The following PPM1B variants were observed in gnomAD, a reference collection of about 807,000 sequenced individuals.
PPM1B encodes the protein protein phosphatase 1B.
A neutral mutation model predicts 43.0 loss-of-function variants in PPM1B; 22 were observed. The ratio of observed to expected loss-of-function variants is 0.51; its 90% CI spans 0.37 to 0.73. The LOEUF (loss-of-function observed/expected upper bound fraction) is 0.73. PPM1B is among the 30% of genes least tolerant of loss of function. PPM1B has a pLI of 0.00. For missense variants in PPM1B, 632 were observed against 584.2 expected (o/e 1.08, Z -0.84); for synonymous variants, 217 against 197.9 (o/e 1.10, Z -0.81).
intron 5 of PPM1B, among the ~76,000 whole-genome samples, chr2:44,242,698 T>C (rs1191390869): frequency 6.6e-6 from 1 of 152,194 alleles, no homozygotes; most frequent in Non-Finnish European, 1.5e-5. Flanking sequence ...TGATTACTAG[T>C]GAGTGAAAAT....
In PPM1B at chr2:44,230,764, C is replaced by G. The variant is rs1283010869; in HGVS notation, c.*46C>G. On this transcript the variant is annotated 3_prime_UTR_variant, in exon 6 of 6. Coordinates refer to ENST00000282412, the MANE Select transcript of PPM1B (RefSeq NM_002706.6). ...TTTGTGATCTTTGATGGTTTTTAAC[C>G]TAGGAAGTGTAATGTATGCATTTAT... is the stretch of plus-strand genomic sequence containing the variant. 1.3e-6 allele frequency: 2 copies of G among 1,576,048 alleles called. No homozygotes were observed. The highest frequency in any genetic ancestry group is 1.8e-5 in the Admixed American group (1 of 55,972).
intron 5 of PPM1B, among the ~76,000 whole-genome samples, chr2:44,226,728 T>A (rs1670226497): frequency 7.6e-6 from 1 of 130,754 alleles, no homozygotes; most frequent in Non-Finnish European, 1.6e-5. Context: ...AAATGGTAGG[T>A]TTTTATCTTT....
At chr2:44,188,762 C>G (rs1362688743) in intron 1 of PPM1B, among the ~76,000 whole-genome samples, 1 of 148,092 alleles carries the variant, frequency 6.8e-6, no homozygotes, top group East Asian at 2.1e-4. Context: ...TTCCTTCCTT[C>G]TTTCCTTCCT....
chr2:44,230,175 ATGAC>A, intron 5 of PPM1B: 2 of 1,427,748 alleles, frequency 1.4e-6, no homozygotes, highest in Non-Finnish European at 9.1e-7. Flanking sequence ...TAAACTTTAA[ATGAC>A]TGTGAAATAA....
intron 1 of PPM1B, among the ~76,000 whole-genome samples, chr2:44,173,856 T>C (rs1667462942): frequency 6.6e-6 from 1 of 152,108 alleles, no homozygotes; most frequent in African/African-American, 2.4e-5. Flanking sequence ...TGGTGGAGAA[T>C]TGCTTGTACC....
chr2:44,240,731 C>T (rs1276459548), intron 5 of PPM1B, among the ~76,000 whole-genome samples: 1 of 145,722 alleles, frequency 6.9e-6, no homozygotes, highest in African/African-American at 2.5e-5. Flanking sequence ...GGAATAACTC[C>T]TTAGCCTACT....
chr2:44,181,182 C>G (rs1039176472), intron 1 of PPM1B, among the ~76,000 whole-genome samples: 4 of 152,312 alleles, frequency 2.6e-5, no homozygotes, highest in African/African-American at 9.6e-5. Context: ...CTCCTGTGCT[C>G]AAGTGATCTT....
At chr2:44,209,103 AAC>A (rs1442982111) in intron 2 of PPM1B, 105 bp from the exon 3 acceptor site, 16 of 1,025,872 alleles carry the variant, frequency 1.6e-5, no homozygotes, top group Non-Finnish European at 2.2e-5. Flanking sequence ...GTTAAACATA[AAC>A]GTTCTGGATG....
intron 1 of PPM1B, among the ~76,000 whole-genome samples, chr2:44,182,092 A>T (rs1032558607): frequency 2.6e-5 from 4 of 152,150 alleles, no homozygotes; most frequent in Middle Eastern, 3.2e-3. Flanking sequence ...TACGACTGAT[A>T]GTTGGCTAAT....
chr2:44,218,623 A>G (rs1572741727), intron 5 of PPM1B, 86 bp downstream of exon 5: 2 of 904,344 alleles, frequency 2.2e-6, no homozygotes, highest in South Asian at 3.3e-5. Flanking sequence ...AACGAAGTCT[A>G]TAATAAATTA....
intron 5 of PPM1B, chr2:44,230,065 C>G (rs1670402049): frequency 1.3e-6 from 2 of 1,551,270 alleles, no homozygotes; most frequent in East Asian, 2.3e-5. Context: ...CATTGATTTT[C>G]TTTTGTACTA....
intron 2 of PPM1B, among the ~76,000 whole-genome samples, chr2:44,202,390 G>T (rs1377938914): frequency 5.9e-5 from 9 of 152,130 alleles, no homozygotes; most frequent in Non-Finnish European, 1.2e-4. Context: ...TATGTATATA[G>T]TAGAATTCTG....
At chr2:44,209,404 C>G in intron 3 of PPM1B, 77 bp downstream of exon 3, 2 of 1,482,218 alleles carry the variant, frequency 1.3e-6, no homozygotes, top group Non-Finnish European at 1.8e-6. Context: ...ACTTTTGTCG[C>G]CTGGGCGACA....
Position 44,170,989 on chromosome 2 carries a change from A to T in PPM1B, c.-15+1715A>T, listed in dbSNP as rs1667313111. Among the ~76,000 whole-genome samples, 3 of 149,992 alleles carry T rather than the reference A, an allele frequency of 2.0e-5. No homozygotes were observed. In the South Asian group the frequency reaches 6.3e-4, roughly 32 times the overall value. ...ATGGTTGTTGTGTTTTCGCCTCTTC[A>T]TTTGTTTTTGCTCTCATGAAGTCTT... On this transcript the variant is annotated intron_variant, in intron 1 of 5. Coordinates refer to ENST00000282412, the MANE Select transcript of PPM1B (RefSeq NM_002706.6).
intron 1 of PPM1B, among the ~76,000 whole-genome samples, chr2:44,169,545 C>G (rs1334689564): frequency 6.6e-6 from 1 of 152,232 alleles, no homozygotes; most frequent in Admixed American, 6.5e-5. Context: ...GCTGGAACGC[C>G]TGGAAGCTGA....
At chr2:44,244,293 C>G (rs1018799547) in exon 6 of PPM1B, 1 of 1,360,486 alleles carries the variant, frequency 7.4e-7, no homozygotes, top group Non-Finnish European at 9.8e-7. Flanking sequence ...AAGGCAGTGG[C>G]TGGCAGACCT....
At chr2:44,245,232 G>A (rs1023928205), downstream of PPM1B, among the ~76,000 whole-genome samples, 3 of 152,160 alleles carry the variant, frequency 2.0e-5, no homozygotes, top group African/African-American at 7.2e-5. Context: ...TGTCATTTGT[G>A]TGTGCTTCAA....
Position 44,230,813 on chromosome 2 carries a change from T to A in PPM1B, c.*95T>A, listed in dbSNP as rs902309730. 21 of 1,488,868 alleles carry A rather than the reference T, an allele frequency of 1.4e-5. No homozygotes were observed. In the East Asian group the frequency reaches 1.6e-4, roughly 12 times the overall value. The allele number at this position is 1,488,868 out of a possible 1,614,324, so 92.2% of individuals were successfully genotyped here. ...ATATAACTGTTTTGTTATTTGAATC[T>A]TGGAAAACTAGTTTTATTATATTCA... On this transcript the variant is annotated 3_prime_UTR_variant, in exon 6 of 6. Transcript: ENST00000282412.
At position 44,192,852 on chromosome 2, in the gene PPM1B, A is replaced by G. The variant is rs139814955; in HGVS notation, c.-14-8334A>G. Among the ~76,000 whole-genome samples, 4 of 152,354 alleles carry G rather than the reference A, an allele frequency of 2.6e-5. No homozygotes were observed. In the East Asian group the frequency reaches 7.7e-4, roughly 29 times the overall value. ...CTATTCCTGGCTTCTTTTACTTAGC[A>G]TAATATCCTCCAGGTTCATCCATGT... On this transcript the variant is annotated intron_variant, in intron 1 of 5. Coordinates refer to ENST00000282412, the MANE Select transcript of PPM1B (RefSeq NM_002706.6).
Sources: gnomAD v4.1 joint callset for allele counts (sites outside exome capture counted in the v4.1 genomes callset) on GRCh38, gnomAD v4.1.1 for gene constraint, MANE v1.5 for transcripts, NCBI Gene and HGNC (gene_info 2026-07-23, HGNC 2026-07-21) for gene names.